ZACN: variants seen among roughly 807,000 people sequenced by gnomAD.
The protein encoded by ZACN is zinc activated ion channel.
Under a neutral mutation model 38.9 loss-of-function variants are expected in ZACN, and 52 were observed. The ratio of observed to expected loss-of-function variants is 1.34; its 90% CI spans 1.07 to 1.68. ZACN has a LOEUF of 1.68. ZACN is among the 40% of genes most tolerant of loss of function. ZACN has a pLI of 0.00. For missense variants in ZACN, 559 were observed against 525.6 expected, an observed-to-expected ratio of 1.06 and a Z score of -0.62; for synonymous variants, 235 against 227.4, an observed-to-expected ratio of 1.03 and a Z score of -0.30.
Position 76,082,286 on chromosome 17 carries a change from G to A in ZACN, c.1049-177G>A, listed in dbSNP as rs2067014930. The stretch of plus-strand genomic sequence containing the variant: ...CCCCTGATAACCCATGCCTTGCACA[G>A]CCTAAGAGGGTGTTTCTTCAACTGA... On this transcript the variant is annotated intron_variant, in intron 8 of 8. Transcript: ENST00000334586. The A allele has an allele frequency of 4.2e-5, 33 of 786,464 alleles. No individual in the cohort carries two copies. The South Asian group carries it at 5.6e-4, about 13-fold the overall frequency. The allele number at this position is 786,464 out of a possible 1,614,324, so 48.7% of individuals were successfully genotyped here.
rs374625380 is a variant in ZACN at position 76,081,796 on chromosome 17, C to T, written c.880+41C>T. 7.6e-4 allele frequency: 1,233 copies of T among 1,613,220 alleles called. 17 individuals are homozygous for T. The South Asian group carries it at 9.7e-3, about 13-fold the overall frequency. ...TTACCCAGTCTGCCCTGTTTCTCCC[C>T]GGTCACCCACTGGTGCTCAGCTCGC... is the stretch of plus-strand genomic sequence containing the variant. On this transcript the variant is annotated intron_variant, in intron 7 of 8. Coordinates refer to ENST00000334586, the MANE Select transcript of ZACN (RefSeq NM_180990.4).
chr17:76,081,192 C>A (rs1016523167), intron 5 of ZACN, 86 bp from the exon 6 acceptor site: 2 of 1,560,298 alleles, frequency 1.3e-6, no homozygotes, highest in Admixed American at 1.8e-5. Flanking sequence ...AAGTCTCCAT[C>A]ACCCCTGGGC....
At chr17:76,080,702 G>A (rs746062140) in intron 5 of ZACN, 88 of 581,554 alleles carry the variant, frequency 1.5e-4, no homozygotes, top group Middle Eastern at 2.6e-4. Flanking sequence ...TCAAACATTC[G>A]CAGCAGCTCT....
Position 76,081,719 on chromosome 17 carries a change from G to A in ZACN, c.844G>A (p.Ala282Thr), listed in dbSNP as rs2066986499. The stretch of plus-strand genomic sequence containing the variant: ...CGTCCTCCACTCCTCCCTGGTGCAG[G>A]CCCTGCCCAGCTCCTCCTCCTGCAA... ...YLVLHSSLVQ[A>T]LPSSSSCNPL... The change falls in exon 7 of 9, where the codon GCC becomes ACC. Residue 282 changes from alanine to threonine, a missense_variant. By Grantham distance (58) the Ala-to-Thr change is moderately conservative. Transcript: ENST00000334586. The A allele has an allele frequency of 3.7e-6, 6 of 1,614,022 alleles. No individual in the cohort carries two copies. The highest frequency in any genetic ancestry group is 1.3e-5 in the African/African-American group (1 of 75,008).
chr17:76,081,990 GC>G lies in ZACN; in HGVS notation c.992del (p.Pro331GlnfsTer25). 1.2e-6 allele frequency: 2 copies of G among 1,611,770 alleles called. No individual in the cohort carries two copies. Among genetic ancestry groups the G allele is most frequent in the Non-Finnish European group, 1.7e-6 (2 of 1,179,524 alleles). On this transcript the variant is annotated frameshift_variant, in exon 8 of 9. Coordinates refer to ENST00000334586, the MANE Select transcript of ZACN (RefSeq NM_180990.4). LOFTEE classifies it high-confidence loss of function. ...RGNLGAKSGP[S>X]PAPRGEQREH... ...AACCTTGGGGCCAAGAGCGGCCCCA[GC>G]CCAGCCCCGAGAGGGGAACAGCGAG...
rs2066928009 is a variant in ZACN, at chr17:76,080,262, G to A, written c.382G>A (p.Val128Met). ...TGGTGCCTTTCCCCACAGGCTCTGG[G>A]TGGACTGGAGGGACCAGAGCCCCCA... ...PRLTILEALW[V>M]DWRDQSPQAR... Residue 128 changes from valine (V) to methionine (M), a missense_variant, in exon 5 of 9, where the codon GTG becomes ATG. Val to Met is a conservative substitution (Grantham distance 21, BLOSUM62 1). Transcript: ENST00000334586. The A allele has an allele frequency of 9.3e-6, 15 of 1,612,914 alleles. No homozygotes were observed. Among genetic ancestry groups the A allele is most frequent in the African/African-American group, 1.3e-5 (1 of 74,926 alleles).
chr17:76,081,661 A>G lies in ZACN; in HGVS notation c.786A>G (p.Ile262Met), dbSNP rs151256408. ...GLLPLRAIER[I>M]GYKVTLLLSY... Reference sequence around the variant, plus strand: ...TGCCCCTCCGGGCCATTGAGCGCATAGGCTACAAGGTGACATTGCTGCTGA... The same window carrying G: ...TGCCCCTCCGGGCCATTGAGCGCATGGGCTACAAGGTGACATTGCTGCTGA... The change falls in exon 7 of 9, where the codon ATA becomes ATG. Residue 262 changes from isoleucine to methionine, a missense_variant. Transcript: ENST00000334586. 4 of 1,614,138 alleles carry G rather than the reference A, an allele frequency of 2.5e-6. No individual in the cohort carries two copies. Among genetic ancestry groups the G allele is most frequent in the Non-Finnish European group, 3.4e-6 (4 of 1,180,028 alleles).
chr17:76,081,867 C>T lies in ZACN; in HGVS notation c.881-15C>T, dbSNP rs770932504. On this transcript the variant is annotated splice_polypyrimidine_tract_variant and intron_variant, in intron 7 of 8. Transcript: ENST00000334586. ...ACTGGCCCCTGAGCATCTCCCTGTG[C>T]CCTGCCTCCCCCAGTTTACTACTTC... 3.1e-6 allele frequency: 5 copies of T among 1,607,844 alleles called. No homozygotes were observed. The African/African-American group carries it at 5.4e-5, about 17-fold the overall frequency.
intron 7 of ZACN, 58 bp downstream of exon 7, chr17:76,081,813 T>C (rs1271291751): frequency 7.4e-6 from 12 of 1,611,052 alleles, no homozygotes; most frequent in African/African-American, 1.3e-5. Context: ...CCACTGGTGC[T>C]CAGCTCGCTG....
chr17:76,082,454 T>A lies in ZACN; in HGVS notation c.1049-9T>A. On this transcript the variant is annotated splice_polypyrimidine_tract_variant and intron_variant, in intron 8 of 8. Coordinates refer to ENST00000334586, the MANE Select transcript of ZACN (RefSeq NM_180990.4). ...AGAACAGCTCCTTTCCCTGTATCTC[T>A]CCCCACAGAGCCCTCCAGAGGAGTA... 6.3e-7 allele frequency: 1 copy of A among 1,595,590 alleles called. No individual in the cohort carries two copies. Among genetic ancestry groups the A allele is most frequent in the African/African-American group, 1.3e-5 (1 of 74,362 alleles).
chr17:76,080,002 A>G lies in ZACN; in HGVS notation c.374+8A>G. On this transcript the variant is annotated splice_region_variant and intron_variant, in intron 4 of 8. Transcript: ENST00000334586. ...GCTCACCATCCTGGAGGCGTAAGTG[A>G]GACAGTTCCTGCCCCAGGAATCTGC... 1.3e-6 allele frequency: 2 copies of G among 1,566,494 alleles called. No individual in the cohort carries two copies. The highest frequency in any genetic ancestry group is 1.7e-6 in the Non-Finnish European group (2 of 1,156,036).
rs767707842 is a variant in ZACN, at chr17:76,082,599, G to A, written c.1185G>A (p.Lys395=). The change falls in exon 9 of 9, where the codon AAG becomes AAA. Residue 395 remains lysine, a synonymous_variant. Coordinates refer to ENST00000334586, the MANE Select transcript of ZACN (RefSeq NM_180990.4). The stretch of plus-strand genomic sequence containing the variant: ...GAATCTGGATGTGGGCAGCGTGCAA[G>A]TCTGACGCAGCCCCTGGAGAGGCTG... ...FAGIWMWAAC[K]SDAAPGEAAP... The A allele has an allele frequency of 1.9e-6, 3 of 1,613,552 alleles. No homozygotes were observed. In the East Asian group the frequency reaches 6.7e-5, roughly 36 times the overall value.
intron 4 of ZACN, 81 bp from the exon 5 acceptor site, chr17:76,080,174 T>A (rs1199986783): frequency 4.0e-6 from 6 of 1,506,968 alleles, no homozygotes; most frequent in Non-Finnish European, 5.3e-6. Context: ...GCAGCTGGGG[T>A]TGGGGTTGGG....
chr17:76,082,288 C>T (rs1472118112), intron 8 of ZACN, 175 bp from the exon 9 acceptor site: 8 of 792,222 alleles, frequency 1.0e-5, no homozygotes, highest in Non-Finnish European at 1.6e-5. Flanking sequence ...CTTGCACAGC[C>T]TAAGAGGGTG....
rs893001065 is a variant in ZACN at position 76,079,697 on chromosome 17, C to T, written c.223-5C>T. Reference sequence around the variant, plus strand: ...CCCTGAGGTGATGCATTGCCCTTCCCCCAGGACATCCTGCGATACACAATG... The same window carrying T: ...CCCTGAGGTGATGCATTGCCCTTCCTCCAGGACATCCTGCGATACACAATG... On this transcript the variant is annotated splice_polypyrimidine_tract_variant and splice_region_variant and intron_variant, in intron 2 of 8. Transcript: ENST00000334586. The T allele has an allele frequency of 2.4e-5, 39 of 1,613,162 alleles. No individual in the cohort carries two copies. The highest frequency in any genetic ancestry group is 5.3e-5 in the African/African-American group (4 of 74,926).
Position 76,081,676 on chromosome 17 carries a change from A to G in ZACN, c.801A>G (p.Thr267=), listed in dbSNP as rs1393483489. 6 of 1,613,990 alleles carry G rather than the reference A, an allele frequency of 3.7e-6. No individual in the cohort carries two copies. The highest frequency in any genetic ancestry group is 1.3e-5 in the African/African-American group (1 of 74,916). ...TTGAGCGCATAGGCTACAAGGTGAC[A>G]TTGCTGCTGAGTTACCTCGTCCTCC... ...RAIERIGYKV[T]LLLSYLVLHS... The change falls in exon 7 of 9, where the codon ACA becomes ACG. Residue 267 remains threonine (T), a synonymous_variant. Coordinates refer to ENST00000334586, the MANE Select transcript of ZACN (RefSeq NM_180990.4).
chr17:76,081,488 C>T lies in ZACN; in HGVS notation c.670-57C>T. 4.3e-6 allele frequency: 7 copies of T among 1,610,140 alleles called. No homozygotes were observed. The South Asian group carries it at 7.7e-5, about 18-fold the overall frequency. On this transcript the variant is annotated intron_variant, in intron 6 of 8. Transcript: ENST00000334586. The stretch of plus-strand genomic sequence containing the variant: ...CACGGCCAGAGGCCAGGCCCCATGC[C>T]CCCGATGCCCACCTCCTTCCCCCCC...
chr17:76,080,048 C>T, intron 4 of ZACN, 54 bp downstream of exon 4: 1 of 1,427,844 alleles, frequency 7.0e-7, no homozygotes, highest in Non-Finnish European at 9.3e-7. Flanking sequence ...CCTCCTTTTC[C>T]CCCATCTACA....
rs2066995628 is a variant in ZACN, at chr17:76,081,891, T to G, written c.890T>G (p.Phe297Cys). The G allele has an allele frequency of 2.5e-6, 4 of 1,610,172 alleles. No homozygotes were observed. The Middle Eastern group carries it at 5.0e-4, about 200-fold the overall frequency. Residue 297 changes from phenylalanine (F) to cysteine (C), a missense_variant, in exon 8 of 9, where the codon TTC (phenylalanine) becomes TGC (cysteine). Phe to Cys is a radical substitution (Grantham distance 205). Coordinates refer to ENST00000334586, the MANE Select transcript of ZACN (RefSeq NM_180990.4). ...GCCCTGCCTCCCCCAGTTTACTACT[T>G]CACCATCCTGCTGCTGCTGCTCTTC... is the stretch of plus-strand genomic sequence containing the variant. Reference protein sequence around the residue: ...SSCNPLLIYYFTILLLLLFLS... With the variant: ...SSCNPLLIYYCTILLLLLFLS...
Sources: allele counts gnomAD v4.1 joint callset, GRCh38; gene constraint gnomAD v4.1.1; transcripts MANE v1.5; gene names NCBI Gene and HGNC (gene_info 2026-07-23, HGNC 2026-07-21).